DACH1: variants seen among roughly 807,000 people sequenced by gnomAD.
DACH1 encodes the protein dachshund family transcription factor 1.
A neutral mutation model predicts 54.2 loss-of-function variants in DACH1; 12 were observed. The observed-to-expected ratio is 0.22, with a 90% CI of 0.14 to 0.36. The LOEUF is 0.36. Among genes scored for constraint, DACH1 ranks in the 10% least tolerant of loss-of-function variants. DACH1 has a pLI of 1.00. For missense variants in DACH1, 805 were observed against 929.8 expected (o/e 0.87, Z 1.75); for synonymous variants, 386 against 366.2 (o/e 1.05, Z -0.62).
intron 1 of DACH1, among the ~76,000 whole-genome samples, chr13:71,711,833 T>C (rs1341239950): frequency 2.0e-5 from 3 of 152,122 alleles, no homozygotes; most frequent in Admixed American, 2.0e-4. Flanking sequence ...ACTTGCTACA[T>C]TGTCTGACTC....
rs141351724 is a variant in DACH1, at chr13:71,528,888, A to T, written c.1570+28136T>A. Among the ~76,000 whole-genome samples, 1,202 of 152,266 alleles carry T rather than the reference A, an allele frequency of 7.9e-3. 17 individuals carry two copies. Among genetic ancestry groups the T allele is most frequent in the African/African-American group, 0.027 (1,108 of 41,556 alleles). On this transcript the variant is annotated intron_variant, in intron 6 of 10. Coordinates refer to ENST00000613252, the MANE Select transcript of DACH1 (RefSeq NM_080759.6). ...AAAGGTAGCTATTAATATTAATATT[A>T]AAAATAGGCAAATTAGTATCATTAC... is the stretch of plus-strand genomic sequence containing the variant.
chr13:71,564,906 A>G (rs1884813165), intron 4 of DACH1, among the ~76,000 whole-genome samples: 1 of 151,946 alleles, frequency 6.6e-6, no homozygotes, highest in Non-Finnish European at 1.5e-5. Flanking sequence ...ACAATTTGTA[A>G]TATTAAATTT....
At chr13:71,826,913 T>C (rs966168) in intron 1 of DACH1, among the ~76,000 whole-genome samples, 102,972 of 151,730 alleles carry the variant, frequency 0.68, 35,269 homozygotes, top group Admixed American at 0.75. Flanking sequence ...GAAGCATCAG[T>C]AATCCTGAAC....
intron 1 of DACH1, among the ~76,000 whole-genome samples, chr13:71,752,152 G>C (rs921346996): frequency 6.6e-6 from 1 of 152,018 alleles, no homozygotes; most frequent in African/African-American, 2.4e-5. Context: ...GAAAACATAC[G>C]GATAACTCAA....
At chr13:71,640,776 T>G (rs1877838102) in intron 2 of DACH1, among the ~76,000 whole-genome samples, 1 of 152,054 alleles carries the variant, frequency 6.6e-6, no homozygotes, top group Non-Finnish European at 1.5e-5. Context: ...GATGTTTTTG[T>G]TTTGTTAAGA....
chr13:71,540,010 GATCT>G (rs1883031313), intron 6 of DACH1, among the ~76,000 whole-genome samples: 1 of 151,838 alleles, frequency 6.6e-6, no homozygotes, highest in Non-Finnish European at 1.5e-5. Flanking sequence ...TCAATAAAAT[GATCT>G]ATCATTGGCA....
Position 71,866,387 on chromosome 13 carries a change from A to G in DACH1, c.383T>C (p.Val128Ala). 6.7e-7 allele frequency: 1 copy of G among 1,490,286 alleles called. No individual in the cohort carries two copies. The highest frequency in any genetic ancestry group is 2.6e-5 in the East Asian group (1 of 38,014). The allele number at this position is 1,490,286 out of a possible 1,614,324, so 92.3% of individuals were successfully genotyped here. Residue 128 changes from valine (V) to alanine (A), a missense_variant, in exon 1 of 11, where the codon GTC becomes GCC. Physicochemically the swap from Val to Ala is moderately conservative, Grantham distance 64 (BLOSUM62 0). Around this residue, in one of 3 missense-constraint regions of DACH1, gnomAD observed 305 missense variants for 308.7 expected, o/e 0.99. Transcript: ENST00000613252. ...GGGGISAGGG[V>A]ASSTPINAST... Reference sequence around the variant, plus strand: ...GGCGTTGATGGGGGTGCTGGAAGCGACGCCGCCGCCAGCGCTGATGCCGCC... The same window carrying G: ...GGCGTTGATGGGGGTGCTGGAAGCGGCGCCGCCGCCAGCGCTGATGCCGCC...
intron 6 of DACH1, among the ~76,000 whole-genome samples, chr13:71,499,133 G>GA (rs1566298711): frequency 2.9e-5 from 1 of 34,436 alleles, no homozygotes; most frequent in Non-Finnish European, 9.3e-5. Context: ...ACACACACAC[G>GA]CAGACACACA....
chr13:71,591,946 A>G (rs1873742608), intron 3 of DACH1, among the ~76,000 whole-genome samples: 1 of 152,174 alleles, frequency 6.6e-6, no homozygotes, highest in African/African-American at 2.4e-5. Flanking sequence ...TAGTTAAAAC[A>G]AAAAAAGGGA....
chr13:71,707,221 C>T (rs1398561788), intron 1 of DACH1, among the ~76,000 whole-genome samples: 2 of 152,198 alleles, frequency 1.3e-5, no homozygotes, highest in African/African-American at 4.8e-5. Flanking sequence ...AAGATGTGAA[C>T]TACATGCTAT....
chr13:71,781,390 A>AT (rs1555322402), intron 1 of DACH1, among the ~76,000 whole-genome samples: 158 of 126,170 alleles, frequency 1.3e-3, no homozygotes, highest in African/African-American at 4.5e-3. Flanking sequence ...TTATTTATTT[A>AT]TTTTTTGAGA....
chr13:71,506,268 C>T (rs1464215557), intron 6 of DACH1, among the ~76,000 whole-genome samples: 1 of 145,796 alleles, frequency 6.9e-6, no homozygotes. Flanking sequence ...GTATATCTCC[C>T]GGTGCTATCC....
chr13:71,443,518 T>C (rs977052083), intron 10 of DACH1, among the ~76,000 whole-genome samples: 1 of 152,208 alleles, frequency 6.6e-6, no homozygotes, highest in African/African-American at 2.4e-5. Flanking sequence ...TTTTTCTTAA[T>C]AGTTGAAACA....
At chr13:71,461,834 A>G (rs1370858272) in intron 10 of DACH1, among the ~76,000 whole-genome samples, 1 of 152,022 alleles carries the variant, frequency 6.6e-6, no homozygotes, top group Non-Finnish European at 1.5e-5. Flanking sequence ...AACCACTAAG[A>G]AAATAAAGAC....
intron 1 of DACH1, among the ~76,000 whole-genome samples, chr13:71,779,167 G>GTA (rs199585466): frequency 2.5e-5 from 2 of 80,532 alleles, no homozygotes; most frequent in African/African-American, 4.3e-5. Context: ...ACGTATATAC[G>GTA]TATATATATA....
intron 1 of DACH1, among the ~76,000 whole-genome samples, chr13:71,698,967 A>G (rs1881971582): frequency 1.3e-5 from 2 of 152,180 alleles, no homozygotes; most frequent in South Asian, 4.1e-4. Flanking sequence ...AAAACATTTA[A>G]TACTCTGAAA....
intron 3 of DACH1, among the ~76,000 whole-genome samples, chr13:71,628,326 G>A (rs1876819794): frequency 6.6e-6 from 1 of 152,074 alleles, no homozygotes; most frequent in Admixed American, 6.6e-5. Context: ...TACCTGGGGT[G>A]AAGGTGTTCA....
chr13:71,570,511 A>G (rs1471572008), intron 4 of DACH1, among the ~76,000 whole-genome samples: 1 of 152,122 alleles, frequency 6.6e-6, no homozygotes, highest in African/African-American at 2.4e-5. Flanking sequence ...ATTGTTCCCT[A>G]TTTGGCTGCT....
chr13:71,447,576 G>C (rs1222562256), intron 10 of DACH1, among the ~76,000 whole-genome samples: 1 of 151,976 alleles, frequency 6.6e-6, no homozygotes, highest in African/African-American at 2.4e-5. Flanking sequence ...GCTCACACCC[G>C]TAATCCCAGC....
Sources: allele counts gnomAD v4.1 joint callset (sites outside exome capture counted in the v4.1 genomes callset), GRCh38; gene constraint gnomAD v4.1.1; regional missense constraint gnomAD v4.1.1; transcripts MANE v1.5; gene names NCBI Gene and HGNC (gene_info 2026-07-23, HGNC 2026-07-21).